IFTAP: variants seen among roughly 807,000 people sequenced by gnomAD.
IFTAP encodes the protein intraflagellar transport-associated protein.
In IFTAP, 19 loss-of-function variants were observed where a neutral mutation model predicts 19.4. The ratio of observed to expected loss-of-function variants is 0.98; its 90% confidence interval spans 0.68 to 1.44. The LOEUF (loss-of-function observed/expected upper bound fraction) is 1.44. Ranked by LOEUF, IFTAP falls within the 40% of genes most tolerant of loss-of-function variation. The pLI is 0.00. For synonymous variants in IFTAP, 85 were observed against 83.5 expected, an observed-to-expected ratio of 1.02 and a Z score of -0.10; for missense variants, 240 against 253.6, an observed-to-expected ratio of 0.95 and a Z score of 0.36.
intron 1 of IFTAP, among the ~76,000 whole-genome samples, chr11:36,605,820 A>G (rs1377631508): frequency 1.3e-5 from 2 of 152,212 alleles, no homozygotes; most frequent in Non-Finnish European, 2.9e-5. Flanking sequence ...TGGAGCTCAA[A>G]GCCTTAAAAC....
chr11:36,622,441 T>C (rs1852335335), intron 2 of IFTAP, among the ~76,000 whole-genome samples: 1 of 152,170 alleles, frequency 6.6e-6, no homozygotes, highest in African/African-American at 2.4e-5. Context: ...TTTAGTTTTA[T>C]AAATAATTTA....
intron 2 of IFTAP, among the ~76,000 whole-genome samples, chr11:36,627,255 C>T (rs969947035): frequency 2.0e-5 from 3 of 151,078 alleles, no homozygotes; most frequent in Non-Finnish European, 4.4e-5. Context: ...AAAATGGAAT[C>T]GTGGTGATGG....
intron 3 of IFTAP, 116 bp from the exon 4 acceptor site, chr11:36,635,935 A>G: frequency 1.4e-6 from 1 of 710,838 alleles, no homozygotes. Context: ...AGAGTTAATG[A>G]GAAAAGTGGA....
At chr11:36,595,001 C>T (rs1311718231) in intron 1 of IFTAP, 2 of 152,104 alleles carry the variant, frequency 1.3e-5, no homozygotes, top group African/African-American at 2.4e-5. Flanking sequence ...TCTTTGAATC[C>T]CTAGAGTGCA....
chr11:36,648,224 G>A (rs746122599), intron 5 of IFTAP, 69 bp downstream of exon 5: 6 of 1,527,688 alleles, frequency 3.9e-6, no homozygotes, highest in Non-Finnish European at 5.3e-6. Context: ...TCAAAGAAAT[G>A]CTGCATGCTT....
At chr11:36,622,034 G>T (rs1353325517) in intron 2 of IFTAP, among the ~76,000 whole-genome samples, 3 of 150,720 alleles carry the variant, frequency 2.0e-5, no homozygotes, top group Non-Finnish European at 4.4e-5. Flanking sequence ...GATTAGAACA[G>T]TGGATTTTCA....
At chr11:36,623,861 G>A (rs11033723) in intron 2 of IFTAP, among the ~76,000 whole-genome samples, 25,177 of 151,996 alleles carry the variant, frequency 0.17, 2,204 homozygotes, top group African/African-American at 0.19. Context: ...AAAGACTTAC[G>A]CAAGAGTAGA....
chr11:36,618,266 C>A (rs945724760), intron 2 of IFTAP, among the ~76,000 whole-genome samples: 12 of 151,842 alleles, frequency 7.9e-5, no homozygotes, highest in African/African-American at 2.4e-4. Flanking sequence ...TGACTGGTGT[C>A]CTTATAAGAA....
intron 4 of IFTAP, among the ~76,000 whole-genome samples, chr11:36,639,016 C>G (rs771573828): frequency 6.6e-6 from 1 of 152,210 alleles, no homozygotes; most frequent in Non-Finnish European, 1.5e-5. Context: ...TATTTGACAT[C>G]AAGTTAACCT....
chr11:36,607,658 G>T (rs1231873640), intron 1 of IFTAP, among the ~76,000 whole-genome samples: 1 of 148,470 alleles, frequency 6.7e-6, no homozygotes, highest in African/African-American at 2.6e-5. Flanking sequence ...GACCTGTACA[G>T]TTGTAATCCC....
chr11:36,611,309 G>T (rs756782402), intron 2 of IFTAP, among the ~76,000 whole-genome samples: 4 of 151,916 alleles, frequency 2.6e-5, no homozygotes, highest in Non-Finnish European at 5.9e-5. Context: ...CTACACATTA[G>T]ACTCACCTGA....
chr11:36,602,038 A>G (rs1851528529), intron 1 of IFTAP, among the ~76,000 whole-genome samples: 1 of 152,208 alleles, frequency 6.6e-6, no homozygotes, highest in Non-Finnish European at 1.5e-5. Flanking sequence ...TATGTTTTGT[A>G]CATTGAGGCA....
At chr11:36,611,672 TA>T (rs1304849247) in intron 2 of IFTAP, among the ~76,000 whole-genome samples, 2 of 152,144 alleles carry the variant, frequency 1.3e-5, no homozygotes, top group East Asian at 3.9e-4. Flanking sequence ...TGTTTACACT[TA>T]AACAAAAAAC....
chr11:36,646,388 T>TA (rs2133507840), intron 4 of IFTAP, among the ~76,000 whole-genome samples: 2 of 152,310 alleles, frequency 1.3e-5, no homozygotes, highest in East Asian at 3.9e-4. Context: ...CCTAGGCTGT[T>TA]ACACGAGGAC....
At chr11:36,657,373 A>G (rs1022426634) in intron 5 of IFTAP, among the ~76,000 whole-genome samples, 9 of 152,168 alleles carry the variant, frequency 5.9e-5, no homozygotes, top group African/African-American at 1.9e-4. Context: ...GATAAATTTG[A>G]TCTCAGACAG....
At chr11:36,614,344 C>G (rs200527664) in intron 2 of IFTAP, among the ~76,000 whole-genome samples, 5,374 of 132,624 alleles carry the variant, frequency 0.041, 124 homozygotes, top group Middle Eastern at 0.08. Flanking sequence ...TTGGTTCCAA[C>G]TCTTTGCTAT....
chr11:36,659,045 T>G lies in IFTAP; in HGVS notation c.525T>G (p.Phe175Leu). The change falls in exon 6 of 6, where the codon TTT becomes TTG. Residue 175 changes from phenylalanine to leucine, a missense_variant. Transcript: ENST00000334307. ...TACTTGGAGATGAAGTTCAACTTTT[T>G]TCACTTGATGAAGAATTTGATTATG... Reference protein sequence around the residue: ...EEILGDEVQLFSLDEEFDYDN... With the variant: ...EEILGDEVQLLSLDEEFDYDN... 1 of 1,602,566 alleles carries G rather than the reference T, an allele frequency of 6.2e-7. No homozygotes were observed. The highest frequency in any genetic ancestry group is 8.5e-7 in the Non-Finnish European group (1 of 1,174,900).
intron 4 of IFTAP, among the ~76,000 whole-genome samples, chr11:36,641,797 G>C (rs552465974): frequency 2.0e-5 from 3 of 152,060 alleles, no homozygotes; most frequent in African/African-American, 7.2e-5. Flanking sequence ...GGTCCGCTTC[G>C]TGCAAAGCTG....
intron 1 of IFTAP, among the ~76,000 whole-genome samples, chr11:36,603,696 C>T (rs1818003): frequency 0.015 from 2,264 of 152,062 alleles, 95 homozygotes; most frequent in Admixed American, 0.097. Flanking sequence ...CCGAGGTGGG[C>T]GGATCACTTG....
Sources: allele counts gnomAD v4.1 joint callset (sites outside exome capture counted in the v4.1 genomes callset), GRCh38; gene constraint gnomAD v4.1.1; transcripts MANE v1.5; gene names NCBI Gene and HGNC (gene_info 2026-07-23, HGNC 2026-07-21).